GLIPR2: variants seen among roughly 807,000 people sequenced by gnomAD.
The protein encoded by GLIPR2 is Golgi-associated plant pathogenesis-related protein 1.
A neutral mutation model predicts 20.4 loss-of-function variants in GLIPR2; 21 were observed. That is an observed-to-expected ratio of 1.03 (90% confidence interval 0.73 to 1.48). The LOEUF (loss-of-function observed/expected upper bound fraction) is 1.48. Ranked by LOEUF, GLIPR2 falls within the 40% of genes most tolerant of loss-of-function variation. The pLI, the probability that GLIPR2 is intolerant of heterozygous loss-of-function variation, is 0.00. For missense variants in GLIPR2, 205 were observed against 200.1 expected (o/e 1.02, Z -0.15); for synonymous variants, 91 against 80.5 (o/e 1.13, Z -0.70).
chr9:36,139,716 C>G (rs548659556), intron 1 of GLIPR2, among the ~76,000 whole-genome samples: 17 of 152,324 alleles, frequency 1.1e-4, no homozygotes, highest in Admixed American at 9.8e-4. Context: ...CCCAGAGCTG[C>G]TTGGCATAAC....
chr9:36,147,430 T>G (rs2132734692), intron 1 of GLIPR2, among the ~76,000 whole-genome samples: 1 of 152,348 alleles, frequency 6.6e-6, no homozygotes, highest in African/African-American at 2.4e-5. Flanking sequence ...TGTGTTTCTG[T>G]GCATCCTCCA....
In GLIPR2 at chr9:36,162,448, G is replaced by A. The variant is rs769309558; in HGVS notation, c.391G>A (p.Ala131Thr). The A allele has an allele frequency of 2.5e-6, 4 of 1,614,186 alleles. No individual in the cohort carries two copies. The highest frequency in any genetic ancestry group is 3.4e-6 in the Non-Finnish European group (4 of 1,180,030). Residue 131 changes from alanine (A) to threonine (T), a missense_variant, in exon 5 of 5, where the codon GCC becomes ACC. By Grantham distance (58) the Ala-to-Thr change is moderately conservative. Coordinates refer to ENST00000377960, the MANE Select transcript of GLIPR2 (RefSeq NM_022343.4). ...AAGTGACGGGTCCTCCTTTGTGGTG[G>A]CCAGATACTTCCCAGCGGGGAATGT... ...SASDGSSFVV[A>T]RYFPAGNVVN...
chr9:36,160,000 G>A lies in GLIPR2; in HGVS notation c.305-2362G>A, dbSNP rs187142862. The stretch of plus-strand genomic sequence containing the variant: ...AATAAATAAAAGGGTGTTTGCAAAC[G>A]ACTTCTTTGAACAAATGATATTTAG... On this transcript the variant is annotated intron_variant, in intron 4 of 4. Transcript: ENST00000377960. 4.9e-3 allele frequency among the ~76,000 whole-genome samples: 750 copies of A among 152,208 alleles called. 5 individuals carry two copies. Among genetic ancestry groups the A allele is most frequent in the Non-Finnish European group, 9.2e-3 (626 of 68,012 alleles).
intron 1 of GLIPR2, chr9:36,144,755 A>G (rs974073232): frequency 1.1e-4 from 17 of 152,322 alleles, no homozygotes; most frequent in African/African-American, 4.1e-4. Context: ...CTAAGCGTCT[A>G]CTTCCTCCTT....
chr9:36,148,164 C>T (rs1825418119), intron 2 of GLIPR2, among the ~76,000 whole-genome samples: 1 of 152,000 alleles, frequency 6.6e-6, no homozygotes, highest in Non-Finnish European at 1.5e-5. Flanking sequence ...AGGAGAATTG[C>T]TTGAACCCGG....
chr9:36,143,797 C>T (rs1825197687), intron 1 of GLIPR2, among the ~76,000 whole-genome samples: 4 of 152,298 alleles, frequency 2.6e-5, no homozygotes, highest in Admixed American at 2.6e-4. Flanking sequence ...AGCTCACTAC[C>T]TTGTGAGGTA....
At chr9:36,136,597 G>A (rs559797943), upstream of GLIPR2, 15 of 380,324 alleles carry the variant, frequency 3.9e-5, no homozygotes, top group Middle Eastern at 7.1e-4. This position sits in a 1 kb window ranked among gnomAD's most constrained non-coding sequence, Gnocchi z 4.3. Context: ...AGCTCTCCGG[G>A]AGGCCCACGG....
upstream of GLIPR2, chr9:36,136,680 G>A (rs1453549920): frequency 3.3e-6 from 3 of 907,098 alleles, no homozygotes; most frequent in Non-Finnish European, 4.3e-6. This position sits in a 1 kb window ranked among gnomAD's most constrained non-coding sequence, Gnocchi z 4.3. Context: ...CGGAGGAGGG[G>A]CCGCGGCATC....
intron 4 of GLIPR2, among the ~76,000 whole-genome samples, chr9:36,155,137 A>G (rs1825774667): frequency 6.6e-6 from 1 of 152,246 alleles, no homozygotes; most frequent in Non-Finnish European, 1.5e-5. Context: ...AGTGGCAAAT[A>G]TGCATAATTG....
chr9:36,158,973 G>A (rs576034214), intron 4 of GLIPR2, among the ~76,000 whole-genome samples: 3 of 152,312 alleles, frequency 2.0e-5, no homozygotes, highest in African/African-American at 4.8e-5. Context: ...GCTGAGGCAT[G>A]AGAATCACTT....
intron 4 of GLIPR2, among the ~76,000 whole-genome samples, chr9:36,160,578 GAAA>G (rs1003136555): frequency 2.0e-5 from 3 of 151,856 alleles, no homozygotes; most frequent in South Asian, 2.1e-4. Flanking sequence ...GAAAACAGAA[GAAA>G]AAAAATGTGC....
Position 36,163,238 on chromosome 9 carries a change from CTTCT to C in GLIPR2, c.*717_*720del. The C allele has an allele frequency of 4.4e-6, 1 of 226,244 alleles. No individual in the cohort carries two copies. The highest frequency in any genetic ancestry group is 1.5e-4 in the East Asian group (1 of 6,548). 14.0% of individuals were successfully genotyped at this position (226,244 alleles called of 1,614,324 possible). On this transcript the variant is annotated 3_prime_UTR_variant, in exon 5 of 5. Coordinates refer to ENST00000377960, the MANE Select transcript of GLIPR2 (RefSeq NM_022343.4). Reference sequence around the variant, plus strand: ...TTGCCCCCTTCCCTCTTTTCTTAAACTTCTGGCATTTCAGAGCTCAGCAGGCTAC... The same window carrying C: ...TTGCCCCCTTCCCTCTTTTCTTAAACGGCATTTCAGAGCTCAGCAGGCTAC...
chr9:36,136,941 G>A lies in GLIPR2; in HGVS notation c.13+150G>A. The A allele has an allele frequency of 3.2e-6, 3 of 947,170 alleles. No individual in the cohort carries two copies. The highest frequency in any genetic ancestry group is 4.1e-6 in the Non-Finnish European group (3 of 729,046). The allele number at this position is 947,170 out of a possible 1,614,324, so 58.7% of individuals were successfully genotyped here. A position where few individuals can be genotyped will look rare whatever the true frequency, so the allele number is the denominator to read the frequency against. Reference sequence around the variant, plus strand: ...GCGCGCGGGCGGAGCGCCCCGGCGCGGTTTCCGGGGAACCCGGGGGGAAGG... The same window carrying A: ...GCGCGCGGGCGGAGCGCCCCGGCGCAGTTTCCGGGGAACCCGGGGGGAAGG... On this transcript the variant is annotated intron_variant, in intron 1 of 4. Transcript: ENST00000377960. This position sits in a 1 kb window ranked among gnomAD's most constrained non-coding sequence, Gnocchi z 4.3.
chr9:36,148,441 G>A, intron 2 of GLIPR2, 106 bp from the exon 3 acceptor site: 1 of 736,542 alleles, frequency 1.4e-6, no homozygotes, highest in South Asian at 1.6e-5. Flanking sequence ...GTGCTCCTCT[G>A]TGAGCCCGGG....
intron 4 of GLIPR2, among the ~76,000 whole-genome samples, chr9:36,157,965 AC>A (rs1424875800): frequency 1.3e-5 from 2 of 151,780 alleles, no homozygotes; most frequent in Non-Finnish European, 2.9e-5. Context: ...GGCGTGTGCC[AC>A]CACACCTGGC....
intron 1 of GLIPR2, among the ~76,000 whole-genome samples, chr9:36,138,755 A>G (rs1563876551): frequency 6.6e-6 from 1 of 152,202 alleles, no homozygotes; most frequent in Non-Finnish European, 1.5e-5. Flanking sequence ...GGCTCGAGTA[A>G]GAGGTGGAAA....
intron 1 of GLIPR2, among the ~76,000 whole-genome samples, chr9:36,141,652 C>CT (rs914267787): frequency 3.5e-4 from 53 of 152,040 alleles, no homozygotes; most frequent in African/African-American, 1.1e-3. Flanking sequence ...TCCTCAGAAT[C>CT]TTTTTTTTCT....
Position 36,155,451 on chromosome 9 carries a change from G to A in GLIPR2, c.304+4502G>A, listed in dbSNP as rs149181389. On this transcript the variant is annotated intron_variant, in intron 4 of 4. Transcript: ENST00000377960. Reference sequence around the variant, plus strand: ...TTTACCAAAAATACAAAAATTAGCCGGATGTGGTGGCGTGCATCTGTAATC... The same window carrying A: ...TTTACCAAAAATACAAAAATTAGCCAGATGTGGTGGCGTGCATCTGTAATC... 5.0e-4 allele frequency among the ~76,000 whole-genome samples: 76 copies of A among 152,234 alleles called. 3 individuals carry two copies. The East Asian group carries it at 7.2e-3, about 14-fold the overall frequency.
At chr9:36,158,202 G>A (rs1049817830) in intron 4 of GLIPR2, among the ~76,000 whole-genome samples, 7 of 152,186 alleles carry the variant, frequency 4.6e-5, no homozygotes, top group Middle Eastern at 3.2e-3. Flanking sequence ...GTACTTTTGG[G>A]TATATACCTA....
Sources: allele counts gnomAD v4.1 joint callset (sites outside exome capture counted in the v4.1 genomes callset), GRCh38; gene constraint gnomAD v4.1.1; non-coding constraint Gnocchi (gnomAD v3.1); transcripts MANE v1.5; gene names NCBI Gene and HGNC (gene_info 2026-07-23, HGNC 2026-07-21).